Variants in SNW1 observed in about 807,000 individuals in gnomAD.
SNW1 encodes SNW domain-containing protein 1.
Under a neutral mutation model 75.6 loss-of-function variants are expected in SNW1, and 9 were observed. The ratio of observed to expected loss-of-function variants is 0.12; its 90% CI spans 0.07 to 0.21. The LOEUF is 0.21. Among genes scored for constraint, SNW1 ranks in the 10% least tolerant of loss-of-function variants. The pLI is 1.00. For synonymous variants in SNW1, 200 were observed against 219.1 expected (o/e 0.91, Z 0.77); for missense variants, 409 against 670.9 (o/e 0.61, Z 4.31).
rs542404306 is a variant in SNW1 at position 77,731,197 on chromosome 14, T to C, written c.892-68A>G. 64 of 1,511,908 alleles carry C rather than the reference T, an allele frequency of 4.2e-5. No homozygotes were observed. In the African/African-American group the frequency reaches 7.6e-4, roughly 18 times the overall value. The allele number at this position is 1,511,908 out of a possible 1,614,324, so 93.7% of individuals were successfully genotyped here. On this transcript the variant is annotated intron_variant, in intron 9 of 13. Coordinates refer to ENST00000261531, the MANE Select transcript of SNW1 (RefSeq NM_012245.3). ...TAAATATTTATGGCTATCATCCAACTCCCTAACATCTGGCTGGTAAGAGCA... is the reference window on the plus strand; with the variant it reads ...TAAATATTTATGGCTATCATCCAACCCCCTAACATCTGGCTGGTAAGAGCA...
chr14:77,745,460 C>A (rs1196562902), intron 3 of SNW1, among the ~76,000 whole-genome samples: 1 of 152,192 alleles, frequency 6.6e-6, no homozygotes, highest in Non-Finnish European at 1.5e-5. Context: ...GTAATCCCAG[C>A]ACTTTGGGAG....
chr14:77,717,865 C>A lies in SNW1; in HGVS notation c.*223G>T. ...TGTGGGGCAGCATGTTCTATAAATG[C>A]TGAAAGGTGGGAGAAGCACAAACAC... On this transcript the variant is annotated 3_prime_UTR_variant, in exon 14 of 14. Transcript: ENST00000261531. 1 of 548,310 alleles carries A rather than the reference C, an allele frequency of 1.8e-6. No individual in the cohort carries two copies. The highest frequency in any genetic ancestry group is 3.2e-6 in the Non-Finnish European group (1 of 313,942). The allele number at this position is 548,310 out of a possible 1,614,324, so 34.0% of individuals were successfully genotyped here.
intron 3 of SNW1, among the ~76,000 whole-genome samples, chr14:77,743,297 T>TA (rs1194615773): frequency 6.6e-6 from 1 of 151,878 alleles, no homozygotes; most frequent in African/African-American, 2.4e-5. Context: ...AGATTTACAC[T>TA]AAAAAAAACT....
chr14:77,719,440 C>T (rs992404290), intron 12 of SNW1, among the ~76,000 whole-genome samples: 1 of 152,022 alleles, frequency 6.6e-6, no homozygotes, highest in East Asian at 1.9e-4. Flanking sequence ...GTTCAAGACC[C>T]GCTTGACCCA....
intron 3 of SNW1, 28 bp downstream of exon 3, chr14:77,751,291 T>C: frequency 1.9e-6 from 3 of 1,576,558 alleles, no homozygotes; most frequent in Non-Finnish European, 1.7e-6. Context: ...AAAATATTTA[T>C]CATTCAGGGA....
intron 3 of SNW1, among the ~76,000 whole-genome samples, chr14:77,746,280 G>A (rs779512738): frequency 2.0e-5 from 3 of 152,228 alleles, no homozygotes; most frequent in Non-Finnish European, 2.9e-5. Flanking sequence ...AACAGACATG[G>A]ATGAATTTGT....
At chr14:77,727,523 T>A (rs1368860911) in intron 10 of SNW1, among the ~76,000 whole-genome samples, 1 of 152,214 alleles carries the variant, frequency 6.6e-6, no homozygotes, top group African/African-American at 2.4e-5. Context: ...AGCTGTGGGT[T>A]TGTCATATAT....
intron 11 of SNW1, among the ~76,000 whole-genome samples, chr14:77,721,991 G>A (rs550287733): frequency 3.9e-5 from 6 of 152,250 alleles, no homozygotes; most frequent in East Asian, 1.9e-4. Context: ...CAAGTGATTC[G>A]CGTGCTTTGG....
At chr14:77,726,745 C>T (rs572539648) in intron 10 of SNW1, among the ~76,000 whole-genome samples, 1 of 151,828 alleles carries the variant, frequency 6.6e-6, no homozygotes, top group South Asian at 2.1e-4. Flanking sequence ...GCCTGGGAAG[C>T]GGAGGTTGCA....
chr14:77,718,107 T>C lies in SNW1; in HGVS notation c.1592A>G (p.Lys531Arg). The change falls in exon 14 of 14, where the codon AAG becomes AGG. Residue 531 changes from lysine (K) to arginine (R), a missense_variant. Lys to Arg is a conservative substitution (Grantham distance 26, BLOSUM62 2). This residue lies in a region of SNW1 where 24 missense variants were observed against 31.0 expected (regional missense o/e 0.77). Transcript: ENST00000261531. Reference protein sequence around the residue: ...SRPKEHEHEGKKRRKE With the variant: ...SRPKEHEHEGRKRRKE ...CTGTGCCTATTCCTTCCTCCTCTTC[T>C]TGCCTTCATGCTCGTGTTCCTTGGG... is the stretch of plus-strand genomic sequence containing the variant. 1 of 1,593,160 alleles carries C rather than the reference T, an allele frequency of 6.3e-7. No individual in the cohort carries two copies. The highest frequency in any genetic ancestry group is 8.5e-7 in the Non-Finnish European group (1 of 1,170,140).
rs1266237988 is a variant in SNW1 at position 77,717,984 on chromosome 14, C to G, written c.*104G>C. On this transcript the variant is annotated 3_prime_UTR_variant, in exon 14 of 14. Coordinates refer to ENST00000261531, the MANE Select transcript of SNW1 (RefSeq NM_012245.3). ...TAAAAAGTAGTGCTGGGATCTGGCACCCAGATTTGGTTTTTATCCTGACCA... is the reference window on the plus strand; with the variant it reads ...TAAAAAGTAGTGCTGGGATCTGGCAGCCAGATTTGGTTTTTATCCTGACCA... 5 of 1,014,646 alleles carry G rather than the reference C, an allele frequency of 4.9e-6. No homozygotes were observed. In the African/African-American group the frequency reaches 6.4e-5, roughly 13 times the overall value. 62.9% of individuals were successfully genotyped at this position (1,014,646 alleles called of 1,614,324 possible). A position where few individuals can be genotyped will look rare whatever the true frequency, so the allele number is the denominator to read the frequency against.
At chr14:77,721,154 T>A (rs963571590) in intron 11 of SNW1, 1 of 192,248 alleles carries the variant, frequency 5.2e-6, no homozygotes, top group African/African-American at 2.3e-5. Flanking sequence ...ACTATCATTA[T>A]ATGATGGTTT....
chr14:77,746,636 AACC>A (rs2080762220), intron 3 of SNW1, among the ~76,000 whole-genome samples: 1 of 152,200 alleles, frequency 6.6e-6, no homozygotes, highest in Non-Finnish European at 1.5e-5. Flanking sequence ...TAAAACTAAA[AACC>A]ACCAATGCTT....
intron 1 of SNW1, among the ~76,000 whole-genome samples, chr14:77,758,485 CTT>C (rs1369913727): frequency 2.6e-5 from 4 of 152,294 alleles, no homozygotes; most frequent in African/African-American, 4.8e-5. Context: ...TCTCAGCACT[CTT>C]GTCTCTGCTC....
chr14:77,722,352 GCT>G (rs1334556632), intron 11 of SNW1: 5 of 329,616 alleles, frequency 1.5e-5, no homozygotes, highest in African/African-American at 4.3e-5. Flanking sequence ...TTTATGGATA[GCT>G]CTGTCTTTCT....
At chr14:77,736,120 G>T in intron 6 of SNW1, 114 bp from the exon 7 acceptor site, 1 of 708,604 alleles carries the variant, frequency 1.4e-6, no homozygotes, top group Non-Finnish European at 2.4e-6. Flanking sequence ...CAAAAACAGA[G>T]ACTGTATAAT....
chr14:77,734,744 A>G (rs1013171927), intron 8 of SNW1, among the ~76,000 whole-genome samples: 1 of 152,254 alleles, frequency 6.6e-6, no homozygotes, highest in Non-Finnish European at 1.5e-5. Flanking sequence ...CTCAAAAAAA[A>G]AAAAGGAACT....
At chr14:77,736,756 T>C (rs1350811811) in intron 6 of SNW1, among the ~76,000 whole-genome samples, 3 of 152,050 alleles carry the variant, frequency 2.0e-5, no homozygotes, top group African/African-American at 7.2e-5. Context: ...ATTCCTCTTG[T>C]CCCTCCCATC....
chr14:77,717,839 A>T lies in SNW1; in HGVS notation c.*249T>A. The T allele has an allele frequency of 1.8e-6, 1 of 563,444 alleles. No homozygotes were observed. Among genetic ancestry groups the T allele is most frequent in the Non-Finnish European group, 3.1e-6 (1 of 321,334 alleles). The allele number at this position is 563,444 out of a possible 1,614,324, so 34.9% of individuals were successfully genotyped here. On this transcript the variant is annotated 3_prime_UTR_variant, in exon 14 of 14. Coordinates refer to ENST00000261531, the MANE Select transcript of SNW1 (RefSeq NM_012245.3). ...TAAAAGTAAGTGGTCTTGACTTTGT[A>T]TGTGGGGCAGCATGTTCTATAAATG...
Sources: allele counts gnomAD v4.1 joint callset (sites outside exome capture counted in the v4.1 genomes callset), GRCh38; gene constraint gnomAD v4.1.1; regional missense constraint gnomAD v4.1.1; transcripts MANE v1.5; gene names NCBI Gene and HGNC (gene_info 2026-07-23, HGNC 2026-07-21).